The following ARHGEF6 variants were observed in gnomAD, a reference collection of about 807,000 sequenced individuals.
ARHGEF6 encodes rho guanine nucleotide exchange factor 6.
Under a neutral mutation model 70.3 loss-of-function variants are expected in ARHGEF6, and 9 were observed. That is an observed-to-expected ratio of 0.13 (90% CI 0.08 to 0.22). ARHGEF6 has a LOEUF of 0.22. Ranked by LOEUF, ARHGEF6 falls within the 10% of genes least tolerant of loss-of-function variation. The pLI is 1.00. For synonymous variants in ARHGEF6, 201 were observed against 207.8 expected (o/e 0.97, Z 0.28); for missense variants, 470 against 563.0 (o/e 0.83, Z 1.67).
chrX:136,685,604 CAAAA>C (rs377510796), intron 12 of ARHGEF6, 69 bp downstream of exon 12: 2,339 of 917,549 alleles, frequency 2.5e-3, no homozygotes, highest in Non-Finnish European at 2.7e-3. Flanking sequence ...AAGACTCCGT[CAAAA>C]AAAAAAAAAA....
chrX:136,736,877 G>A (rs909843917), intron 5 of ARHGEF6, among the ~76,000 whole-genome samples: 9 of 111,569 alleles, frequency 8.1e-5, no homozygotes, highest in African/African-American at 2.6e-4. Flanking sequence ...GTCAATGACA[G>A]GCTCAAGGGA....
At chrX:136,682,088 G>C in intron 13 of ARHGEF6, 120 bp from the exon 14 acceptor site, 1 of 540,713 alleles carries the variant, frequency 1.8e-6, no homozygotes, top group Non-Finnish European at 3.2e-6. Flanking sequence ...TCTCCAGTCT[G>C]TCAATAGATA....
intron 6 of ARHGEF6, among the ~76,000 whole-genome samples, chrX:136,729,467 CAA>C (rs749398050): frequency 1.6e-4 from 2 of 12,412 alleles, no homozygotes; most frequent in African/African-American, 4.7e-4. Context: ...GACTCCATCT[CAA>C]AAAAAAAAAA....
chrX:136,730,473 G>A (rs1203657962), intron 6 of ARHGEF6, among the ~76,000 whole-genome samples: 1 of 111,110 alleles, frequency 9.0e-6, no homozygotes, highest in Non-Finnish European at 1.9e-5. Flanking sequence ...ATATCCAGCT[G>A]GCCAATAATT....
At position 136,729,541 on chromosome X, in the gene ARHGEF6, A is replaced by G. The variant is rs150530840; in HGVS notation, c.732+2561T>C. ...TATTATTGGGGTATAGGGATAGAAA[A>G]TCTTTATGGGCCAGGCACAGTGGCT... On this transcript the variant is annotated intron_variant, in intron 6 of 21. Transcript: ENST00000250617. Among the ~76,000 whole-genome samples, 756 of 105,495 alleles carry G rather than the reference A, an allele frequency of 7.2e-3. 7 individuals carry two copies. Among genetic ancestry groups the G allele is most frequent in the African/African-American group, 0.025 (713 of 28,732 alleles). The allele number at this position is 105,495 out of a possible 115,157, so 91.6% of individuals were successfully genotyped here.
chrX:136,668,069 A>G lies in ARHGEF6; in HGVS notation c.2291T>C (p.Ile764Thr). The change falls in exon 22 of 22, where the codon ATT becomes ACT. Residue 764 changes from isoleucine (I) to threonine (T), a missense_variant. Ile to Thr is a moderately conservative substitution (Grantham distance 89). Around this residue, in one of 3 missense-constraint regions of ARHGEF6, gnomAD observed 88 missense variants for 95.5 expected, o/e 0.92. Transcript: ENST00000250617. The stretch of plus-strand genomic sequence containing the variant: ...GGTCTTGCTACTGGACTCGCCTCGA[A>G]TACACTCATCTGTTTGCTTCAAAAG... The part of the protein sequence containing the change: ...RRLLKQTDEC[I>T]RGESSSKTSI... The G allele has an allele frequency of 1.7e-6, 2 of 1,211,806 alleles. No homozygotes were observed. Among genetic ancestry groups the G allele is most frequent in the South Asian group, 1.8e-5 (1 of 56,991 alleles).
At chrX:136,776,301 C>T (rs1249159292) in intron 2 of ARHGEF6, among the ~76,000 whole-genome samples, 1 of 111,989 alleles carries the variant, frequency 8.9e-6, no homozygotes, top group African/African-American at 3.2e-5. Flanking sequence ...TACTACAAGC[C>T]TGTAGTTACC....
At chrX:136,775,336 A>T (rs1288992018) in intron 2 of ARHGEF6, among the ~76,000 whole-genome samples, 1 of 112,165 alleles carries the variant, frequency 8.9e-6, no homozygotes, top group Non-Finnish European at 1.9e-5. Flanking sequence ...CATATCAAAA[A>T]GATAATACAC....
intron 2 of ARHGEF6, among the ~76,000 whole-genome samples, chrX:136,765,088 C>G (rs778340964): frequency 8.9e-6 from 1 of 111,770 alleles, no homozygotes; most frequent in African/African-American, 3.3e-5. Context: ...AGGCATCAGT[C>G]TGGATCATCT....
At chrX:136,741,115 T>C (rs983664102) in intron 5 of ARHGEF6, among the ~76,000 whole-genome samples, 2 of 111,680 alleles carry the variant, frequency 1.8e-5, no homozygotes, top group Non-Finnish European at 3.8e-5. Flanking sequence ...TAACACAACA[T>C]AGAACACAGA....
At chrX:136,777,291 T>C (rs2077413602) in intron 2 of ARHGEF6, among the ~76,000 whole-genome samples, 1 of 110,631 alleles carries the variant, frequency 9.0e-6, no homozygotes, top group Admixed American at 9.6e-5. Flanking sequence ...AGGACATGAA[T>C]AGACAATTCT....
chrX:136,686,647 C>T (rs980039759), intron 11 of ARHGEF6, among the ~76,000 whole-genome samples: 769 of 57,930 alleles, frequency 0.013, 6 homozygotes, highest in Middle Eastern at 0.055. Flanking sequence ...TATATACACA[C>T]ATATATATAT....
At chrX:136,766,119 T>C (rs1490388196) in intron 2 of ARHGEF6, among the ~76,000 whole-genome samples, 2 of 111,815 alleles carry the variant, frequency 1.8e-5, no homozygotes, top group Non-Finnish European at 3.8e-5. Context: ...ATGCCTCAGC[T>C]GAAGCACAAG....
intron 6 of ARHGEF6, among the ~76,000 whole-genome samples, chrX:136,724,078 C>CTTTTTTTTTTTTTTT (rs777860865): frequency 1.0e-5 from 1 of 100,475 alleles, no homozygotes; most frequent in Non-Finnish European, 2.0e-5. Context: ...TTTTTTCTTT[C>CTTTTTTTTTTTTTTT]TTTTTTTTTT....
intron 6 of ARHGEF6, among the ~76,000 whole-genome samples, chrX:136,729,521 T>C (rs1026275733): frequency 1.1e-4 from 11 of 98,266 alleles, no homozygotes; most frequent in African/African-American, 4.2e-4. Context: ...ACAAGTATTA[T>C]TGGGGTATAG....
rs971022879 is a variant in ARHGEF6 at position 136,690,767 on chromosome X, T to C, written c.1047-19A>G. 56 of 1,199,954 alleles carry C rather than the reference T, an allele frequency of 4.7e-5. No homozygotes were observed. The highest frequency in any genetic ancestry group is 5.9e-5 in the Non-Finnish European group (52 of 885,922). On this transcript the variant is annotated intron_variant, in intron 9 of 21. Transcript: ENST00000250617. ...CTCATCACTAGCAAAAGAACAAATA[T>C]AATTTTGTTACTGTTGAATATCTCA...
At chrX:136,770,812 C>T in intron 2 of ARHGEF6, among the ~76,000 whole-genome samples, 1 of 112,113 alleles carries the variant, frequency 8.9e-6, no homozygotes, top group Non-Finnish European at 1.9e-5. Context: ...GCCTGGGCTA[C>T]ATTGTGAAAC....
At chrX:136,759,155 C>CA (rs947579670) in intron 2 of ARHGEF6, among the ~76,000 whole-genome samples, 4 of 112,333 alleles carry the variant, frequency 3.6e-5, no homozygotes, top group South Asian at 3.7e-4. Flanking sequence ...TATATTCTCA[C>CA]AAAAAAGTTG....
At chrX:136,712,879 T>C (rs1277323891) in intron 7 of ARHGEF6, among the ~76,000 whole-genome samples, 1 of 112,439 alleles carries the variant, frequency 8.9e-6, no homozygotes, top group African/African-American at 3.2e-5. Context: ...TCTCAGAGCA[T>C]GGGAAAGAAG....
Sources: gnomAD v4.1 joint callset for allele counts (sites outside exome capture counted in the v4.1 genomes callset) on GRCh38, gnomAD v4.1.1 for gene constraint, gnomAD v4.1.1 regional missense constraint, MANE v1.5 for transcripts, NCBI Gene and HGNC (gene_info 2026-07-23, HGNC 2026-07-21) for gene names.